The following CACNG4 variants were observed in gnomAD, a reference collection of about 807,000 sequenced individuals.
CACNG4 encodes the protein calcium voltage-gated channel auxiliary subunit gamma 4, also known as voltage-dependent calcium channel gamma-4 subunit.
A neutral mutation model predicts 22.9 loss-of-function variants in CACNG4; 8 were observed. The observed-to-expected ratio is 0.35, with a 90% CI of 0.21 to 0.63. The LOEUF (loss-of-function observed/expected upper bound fraction) is 0.63. Ranked by LOEUF, CACNG4 falls within the 30% of genes least tolerant of loss-of-function variation. CACNG4 has a pLI of 0.72. For missense variants in CACNG4, 357 were observed against 455.4 expected (o/e 0.78, Z 1.97); for synonymous variants, 188 against 191.9 (o/e 0.98, Z 0.17).
intron 1 of CACNG4, among the ~76,000 whole-genome samples, chr17:67,014,549 G>A (rs931516820): frequency 3.3e-5 from 5 of 152,196 alleles, no homozygotes; most frequent in Admixed American, 6.5e-5. Flanking sequence ...CAGCCTGAAC[G>A]TTGGGTTTGG....
chr17:66,999,346 C>T (rs58034861), intron 1 of CACNG4, among the ~76,000 whole-genome samples: 1 of 151,906 alleles, frequency 6.6e-6, no homozygotes, highest in East Asian at 1.9e-4. Flanking sequence ...CCCAGGGCAC[C>T]GCCCCCACAG....
chr17:67,021,434 C>G (rs1480392743), intron 2 of CACNG4, among the ~76,000 whole-genome samples: 1 of 152,216 alleles, frequency 6.6e-6, no homozygotes, highest in Non-Finnish European at 1.5e-5. Flanking sequence ...GCTGCTCCCA[C>G]CCAGTCTTTG....
intron 1 of CACNG4, among the ~76,000 whole-genome samples, chr17:66,989,481 T>C (rs1424528820): frequency 6.6e-6 from 1 of 151,386 alleles, no homozygotes; most frequent in Non-Finnish European, 1.5e-5. Context: ...CCTAGATCCT[T>C]CAGAGAGAGC....
At chr17:67,017,803 A>G (rs1205784401) in intron 1 of CACNG4, among the ~76,000 whole-genome samples, 2 of 151,672 alleles carry the variant, frequency 1.3e-5, no homozygotes, top group African/African-American at 2.4e-5. Flanking sequence ...GGCATGAGCC[A>G]CCGTGCCCAG....
At chr17:67,013,862 GGATA>G in intron 1 of CACNG4, among the ~76,000 whole-genome samples, 1 of 152,188 alleles carries the variant, frequency 6.6e-6, no homozygotes, top group East Asian at 1.9e-4. Context: ...GCAGATGAAG[GGATA>G]TACACGTGTG....
intron 1 of CACNG4, among the ~76,000 whole-genome samples, chr17:66,978,714 C>T (rs866366147): frequency 2.0e-5 from 3 of 152,236 alleles, no homozygotes; most frequent in East Asian, 1.9e-4. Context: ...AGGGCGAGCA[C>T]GCTGTCCCTG....
chr17:66,965,572 G>A (rs1171404825), intron 1 of CACNG4, among the ~76,000 whole-genome samples: 1 of 145,954 alleles, frequency 6.9e-6, no homozygotes, highest in Non-Finnish European at 1.5e-5. Flanking sequence ...GGGAGGGGGG[G>A]AGGGGTTGCT....
At chr17:66,998,740 G>T (rs1341320966) in intron 1 of CACNG4, among the ~76,000 whole-genome samples, 2 of 152,204 alleles carry the variant, frequency 1.3e-5, no homozygotes, top group Admixed American at 6.5e-5. Context: ...CTCTTGCTCA[G>T]TTTCCAAGTC....
chr17:66,996,174 C>T (rs1467265034), intron 1 of CACNG4, among the ~76,000 whole-genome samples: 3 of 152,142 alleles, frequency 2.0e-5, no homozygotes, highest in Admixed American at 6.5e-5. Flanking sequence ...CAATGCCTCT[C>T]TGCTCCGTGG....
At chr17:66,981,660 C>G (rs2035274082) in intron 1 of CACNG4, among the ~76,000 whole-genome samples, 1 of 152,116 alleles carries the variant, frequency 6.6e-6, no homozygotes. Context: ...TCAGGCGAGC[C>G]CGGCAAGGTC....
At chr17:67,016,141 G>A (rs751097364) in intron 1 of CACNG4, among the ~76,000 whole-genome samples, 4 of 152,154 alleles carry the variant, frequency 2.6e-5, no homozygotes, top group Non-Finnish European at 5.9e-5. Context: ...CCATGGGCCC[G>A]GAATCACCCT....
At chr17:66,990,681 T>TTTTA (rs532977339) in intron 1 of CACNG4, among the ~76,000 whole-genome samples, 3,516 of 135,942 alleles carry the variant, frequency 0.026, 131 homozygotes, top group African/African-American at 0.097. Flanking sequence ...TTTTATTTTA[T>TTTTA]TTTATTTATT....
At chr17:66,979,317 T>C (rs562284969) in intron 1 of CACNG4, among the ~76,000 whole-genome samples, 1 of 152,360 alleles carries the variant, frequency 6.6e-6, no homozygotes, top group Admixed American at 6.5e-5. Context: ...CTGCTTCCTG[T>C]TCAAGTCAGT....
chr17:66,991,761 T>G (rs1385394937), intron 1 of CACNG4, among the ~76,000 whole-genome samples: 1 of 152,180 alleles, frequency 6.6e-6, no homozygotes, highest in African/African-American at 2.4e-5. Flanking sequence ...CAGGAAGGCG[T>G]GTCTCCAGCC....
chr17:66,995,031 T>TC (rs1383386819), intron 1 of CACNG4, among the ~76,000 whole-genome samples: 1 of 152,022 alleles, frequency 6.6e-6, no homozygotes, highest in East Asian at 1.9e-4. Flanking sequence ...TTAACAAGTT[T>TC]CCCCCCGGGC....
chr17:66,986,651 A>G (rs1390160675), intron 1 of CACNG4, among the ~76,000 whole-genome samples: 2 of 152,144 alleles, frequency 1.3e-5, no homozygotes, highest in Non-Finnish European at 2.9e-5. Context: ...CGTCTTAACT[A>G]ATGTCTTCAC....
At chr17:66,990,205 G>A (rs1288217494) in intron 1 of CACNG4, among the ~76,000 whole-genome samples, 1 of 152,154 alleles carries the variant, frequency 6.6e-6, no homozygotes, top group Non-Finnish European at 1.5e-5. Flanking sequence ...ACCCGGTTGT[G>A]GTTATGAGAC....
Position 67,032,105 on chromosome 17 carries a change from C to T in CACNG4, c.*1101C>T, listed in dbSNP as rs1365713558. 5 of 402,178 alleles carry T rather than the reference C, an allele frequency of 1.2e-5. No homozygotes were observed. The highest frequency in any genetic ancestry group is 2.1e-5 in the African/African-American group (1 of 48,156). 24.9% of individuals were successfully genotyped at this position (402,178 alleles called of 1,614,324 possible). A position where few individuals can be genotyped will look rare whatever the true frequency, so the allele number is the denominator to read the frequency against. ...TAAAAAGTAGCAGCAACTGGCCCCA[C>T]AACTCCTGTCATTGTAAGTTATTCT... is the stretch of plus-strand genomic sequence containing the variant. On this transcript the variant is annotated 3_prime_UTR_variant, in exon 4 of 4. Transcript: ENST00000262138.
intron 1 of CACNG4, among the ~76,000 whole-genome samples, chr17:67,002,803 T>C (rs1335429671): frequency 6.6e-6 from 1 of 152,222 alleles, no homozygotes; most frequent in Non-Finnish European, 1.5e-5. Context: ...AATGGGTGTA[T>C]AGAAGCTCCC....
Sources: gnomAD v4.1 joint callset for allele counts (sites outside exome capture counted in the v4.1 genomes callset) on GRCh38, gnomAD v4.1.1 for gene constraint, MANE v1.5 for transcripts, NCBI Gene and HGNC (gene_info 2026-07-23, HGNC 2026-07-21) for gene names.